The following FRMD4A variants were observed in gnomAD, a reference collection of about 807,000 sequenced individuals.
The protein encoded by FRMD4A is FERM domain containing 4A.
In FRMD4A, 29 loss-of-function variants were observed where a neutral mutation model predicts 129.1. That is an observed-to-expected ratio of 0.22 (90% CI 0.17 to 0.31). The LOEUF (loss-of-function observed/expected upper bound fraction) is 0.31, where lower values mean the gene tolerates loss of function less well. FRMD4A is among the 10% of genes least tolerant of loss of function. The pLI is 1.00. For synonymous variants in FRMD4A, 634 were observed against 571.6 expected (o/e 1.11, Z -1.56); for missense variants, 1,272 against 1,375.8 (o/e 0.92, Z 1.19).
intron 8 of FRMD4A, among the ~76,000 whole-genome samples, chr10:13,759,779 A>G (rs1269444957): frequency 1.3e-5 from 2 of 152,194 alleles, no homozygotes; most frequent in Admixed American, 1.3e-4. Context: ...TACAAAGTTC[A>G]AGGTCTCCAG....
chr10:13,722,042 G>A (rs1419751858), intron 12 of FRMD4A, among the ~76,000 whole-genome samples: 1 of 152,148 alleles, frequency 6.6e-6, no homozygotes, highest in Non-Finnish European at 1.5e-5. Flanking sequence ...CCCATGACAA[G>A]GCTGTGCTCG....
intron 2 of FRMD4A, among the ~76,000 whole-genome samples, chr10:14,308,860 T>C (rs1846440439): frequency 6.6e-6 from 1 of 152,234 alleles, no homozygotes; most frequent in Non-Finnish European, 1.5e-5. Context: ...GTTGAAAACG[T>C]GACCTACCAA....
intron 2 of FRMD4A, among the ~76,000 whole-genome samples, chr10:14,113,959 G>A (rs900142391): frequency 1.3e-5 from 2 of 152,052 alleles, no homozygotes; most frequent in Non-Finnish European, 2.9e-5. Context: ...CCATCCTATC[G>A]CCAAGGATGC....
chr10:14,226,810 G>C (rs761438593), intron 2 of FRMD4A, among the ~76,000 whole-genome samples: 10 of 152,094 alleles, frequency 6.6e-5, no homozygotes, highest in Admixed American at 6.5e-4. Flanking sequence ...CTCTGTTGGC[G>C]TTCATCATTC....
intron 2 of FRMD4A, among the ~76,000 whole-genome samples, chr10:13,939,154 C>A (rs550899730): frequency 6.6e-6 from 1 of 152,196 alleles, no homozygotes; most frequent in Non-Finnish European, 1.5e-5. Context: ...GGGAATTCAA[C>A]GCCAGTACCA....
At chr10:14,203,362 C>T (rs566069681) in intron 2 of FRMD4A, among the ~76,000 whole-genome samples, 2 of 152,144 alleles carry the variant, frequency 1.3e-5, no homozygotes, top group South Asian at 2.1e-4. Flanking sequence ...AAATTTACAT[C>T]GCTGTTTTGC....
intron 2 of FRMD4A, among the ~76,000 whole-genome samples, chr10:14,111,976 G>C (rs1223639192): frequency 7.9e-6 from 1 of 126,624 alleles, no homozygotes; most frequent in Non-Finnish European, 1.7e-5. Flanking sequence ...GGGAGGGGAG[G>C]GGAGGAAGGC....
intron 16 of FRMD4A, among the ~76,000 whole-genome samples, chr10:13,673,711 CA>C (rs1436464014): frequency 2.2e-4 from 33 of 151,008 alleles, no homozygotes; most frequent in Admixed American, 2.2e-3. Flanking sequence ...TAAATAAAGA[CA>C]GCAGCTTGCA....
chr10:14,058,657 A>C (rs746802100), intron 2 of FRMD4A, among the ~76,000 whole-genome samples: 1 of 152,192 alleles, frequency 6.6e-6, no homozygotes, highest in African/African-American at 2.4e-5. Context: ...TGCTTCTTAC[A>C]TGACCAGAGG....
At position 13,858,203 on chromosome 10, in the gene FRMD4A, G is replaced by A. The variant is rs1459679398; in HGVS notation, c.111+644C>T. ...AATCCCAGCACTTTGGGAGGCCGAG[G>A]CAGGCAGATCACCTGAGGTCAGGAG... On this transcript the variant is annotated intron_variant, in intron 3 of 24. Coordinates refer to ENST00000357447, the MANE Select transcript of FRMD4A (RefSeq NM_018027.5). Among the ~76,000 whole-genome samples, 3 of 152,312 alleles carry A rather than the reference G, an allele frequency of 2.0e-5. No homozygotes were observed. The East Asian group carries it at 5.8e-4, about 29-fold the overall frequency.
intron 2 of FRMD4A, among the ~76,000 whole-genome samples, chr10:14,240,652 T>C (rs894826421): frequency 1.1e-4 from 16 of 152,188 alleles, no homozygotes; most frequent in Admixed American, 7.9e-4. Flanking sequence ...CCATTATTAT[T>C]AAATTTGTCC....
chr10:14,139,637 ATGGGGTCT>A (rs1839733904), intron 2 of FRMD4A, among the ~76,000 whole-genome samples: 1 of 151,852 alleles, frequency 6.6e-6, no homozygotes, highest in Non-Finnish European at 1.5e-5. Flanking sequence ...ATTTGTAGAG[ATGGGGTCT>A]TGCCATGTTG....
chr10:13,999,101 G>A (rs1002308671), intron 2 of FRMD4A, among the ~76,000 whole-genome samples: 3 of 152,078 alleles, frequency 2.0e-5, no homozygotes, highest in Admixed American at 6.5e-5. Context: ...TGTTGTACTT[G>A]CTGTGCCCTC....
intron 2 of FRMD4A, among the ~76,000 whole-genome samples, chr10:14,179,366 C>T (rs1422786249): frequency 4.6e-5 from 7 of 152,194 alleles, no homozygotes; most frequent in African/African-American, 1.7e-4. Flanking sequence ...ACATCTTCAT[C>T]AAATTGTAGG....
intron 2 of FRMD4A, among the ~76,000 whole-genome samples, chr10:14,312,982 ATCT>A (rs1431127037): frequency 6.6e-6 from 1 of 152,226 alleles, no homozygotes; most frequent in African/African-American, 2.4e-5. Flanking sequence ...AGTATTAAGA[ATCT>A]GGAGTAGTAA....
intron 2 of FRMD4A, among the ~76,000 whole-genome samples, chr10:13,990,751 T>C (rs2095600417): frequency 6.6e-6 from 1 of 152,046 alleles, no homozygotes; most frequent in Non-Finnish European, 1.5e-5. Context: ...CTCAGAAACG[T>C]GTAAGTGCCA....
chr10:13,775,450 C>A (rs1415601487), intron 6 of FRMD4A, among the ~76,000 whole-genome samples: 2 of 151,990 alleles, frequency 1.3e-5, no homozygotes, highest in African/African-American at 4.8e-5. Flanking sequence ...ATTTCTATAT[C>A]CAGTCAAACT....
intron 3 of FRMD4A, among the ~76,000 whole-genome samples, chr10:13,832,158 C>CT (rs1237877544): frequency 1.4e-4 from 20 of 147,136 alleles, no homozygotes; most frequent in Non-Finnish European, 2.7e-4. Context: ...GCCCAGCTCA[C>CT]CGGGGGTGAA....
chr10:13,795,167 G>C (rs1244645910), intron 5 of FRMD4A, among the ~76,000 whole-genome samples: 1 of 152,222 alleles, frequency 6.6e-6, no homozygotes, highest in Non-Finnish European at 1.5e-5. Context: ...TTAATGACCT[G>C]CTTCCATGCA....
Sources: allele counts gnomAD v4.1 joint callset (sites outside exome capture counted in the v4.1 genomes callset), GRCh38; gene constraint gnomAD v4.1.1; transcripts MANE v1.5; gene names NCBI Gene and HGNC (gene_info 2026-07-23, HGNC 2026-07-21).